Variants in TMEM132C observed in about 807,000 individuals in gnomAD.
The protein encoded by TMEM132C is protein phosphatase 1, regulatory subunit 152.
TMEM132C carries 29 observed loss-of-function variants against 61.4 expected under a neutral mutation model. That is an observed-to-expected ratio of 0.47 (90% confidence interval 0.35 to 0.64). TMEM132C has a LOEUF of 0.64. Ranked by LOEUF, TMEM132C falls within the 30% of genes least tolerant of loss-of-function variation. TMEM132C has a pLI of 0.00. For missense variants in TMEM132C, 1,408 were observed against 1,476.9 expected (o/e 0.95, Z 0.76); for synonymous variants, 656 against 633.1 (o/e 1.04, Z -0.54).
intron 1 of TMEM132C, among the ~76,000 whole-genome samples, chr12:128,408,630 G>T (rs1868400230): frequency 1.3e-5 from 2 of 152,170 alleles, no homozygotes; most frequent in South Asian, 2.1e-4. Flanking sequence ...GCTCTTTCTG[G>T]AATGTCATAC....
intron 1 of TMEM132C, among the ~76,000 whole-genome samples, chr12:128,357,858 G>A (rs770964172): frequency 1.9e-4 from 27 of 139,334 alleles, no homozygotes; most frequent in African/African-American, 3.1e-4. Context: ...CCTCCCCTCC[G>A]TCCACAGCAC....
chr12:128,302,821 G>A (rs1024596310), intron 1 of TMEM132C, among the ~76,000 whole-genome samples: 6 of 152,232 alleles, frequency 3.9e-5, no homozygotes, highest in African/African-American at 1.4e-4. Flanking sequence ...TGATGGTTCA[G>A]AGTTGAATGG....
chr12:128,680,104 TAGGC>T (rs1234478312), intron 5 of TMEM132C, among the ~76,000 whole-genome samples: 3 of 152,118 alleles, frequency 2.0e-5, no homozygotes, highest in African/African-American at 7.2e-5. Context: ...ATGCATGAAA[TAGGC>T]AGGGCCAGGT....
rs952916676 is a variant in TMEM132C at position 128,706,714 on chromosome 12, C to T, written c.*419C>T. On this transcript the variant is annotated 3_prime_UTR_variant, in exon 9 of 9. Coordinates refer to ENST00000435159, the MANE Select transcript of TMEM132C (RefSeq NM_001136103.3). ...TATAAAAATAGGACCTGCTAAGAGA[C>T]ATTTTCCATTCTAATTCACGATTCA... 15 of 156,052 alleles carry T rather than the reference C, an allele frequency of 9.6e-5. No homozygotes were observed. Among genetic ancestry groups the T allele is most frequent in the African/African-American group, 3.4e-4 (14 of 41,564 alleles). The allele number at this position is 156,052 out of a possible 1,614,324, so 9.7% of individuals were successfully genotyped here.
At chr12:128,439,417 A>G (rs760121567) in intron 2 of TMEM132C, among the ~76,000 whole-genome samples, 12 of 152,126 alleles carry the variant, frequency 7.9e-5, no homozygotes, top group Non-Finnish European at 1.5e-4. Flanking sequence ...AGAAAGAAAA[A>G]TTAGTTCAAT....
intron 2 of TMEM132C, among the ~76,000 whole-genome samples, chr12:128,517,716 A>G (rs1422803802): frequency 6.6e-6 from 1 of 152,106 alleles, no homozygotes; most frequent in Admixed American, 6.5e-5. Context: ...AACATTGCAG[A>G]CGTTGTTATT....
chr12:128,601,946 T>A (rs1455399642), intron 3 of TMEM132C, among the ~76,000 whole-genome samples: 1 of 152,120 alleles, frequency 6.6e-6, no homozygotes, highest in Non-Finnish European at 1.5e-5. Flanking sequence ...ATTCACAGTT[T>A]TCTTTTCTGT....
At chr12:128,351,518 T>C (rs1326221940) in intron 1 of TMEM132C, among the ~76,000 whole-genome samples, 4 of 152,206 alleles carry the variant, frequency 2.6e-5, no homozygotes, top group Admixed American at 1.3e-4. Context: ...GGGTAATTTA[T>C]AAAGACAAGA....
At chr12:128,497,986 A>C (rs936720730) in intron 2 of TMEM132C, among the ~76,000 whole-genome samples, 1 of 152,158 alleles carries the variant, frequency 6.6e-6, no homozygotes, top group African/African-American at 2.4e-5. Flanking sequence ...AGTCTGTACC[A>C]GTTCTTTATG....
chr12:128,551,894 G>A (rs917635730), intron 3 of TMEM132C, among the ~76,000 whole-genome samples: 13 of 152,136 alleles, frequency 8.5e-5, no homozygotes, highest in Admixed American at 8.5e-4. Flanking sequence ...CTTTTGATTC[G>A]AACGTTGCAC....
At chr12:128,275,156 AG>A (rs1169939359) in intron 1 of TMEM132C, among the ~76,000 whole-genome samples, 2 of 152,186 alleles carry the variant, frequency 1.3e-5, no homozygotes, top group Non-Finnish European at 2.9e-5. Flanking sequence ...TTTATAAGTC[AG>A]GGTTCCCCAA....
intron 4 of TMEM132C, among the ~76,000 whole-genome samples, chr12:128,646,874 T>C (rs1430293154): frequency 1.3e-5 from 2 of 151,768 alleles, no homozygotes; most frequent in East Asian, 3.9e-4. Context: ...TGGATGAATG[T>C]GTTTACTGGA....
In TMEM132C at chr12:128,415,776, A is replaced by G. The variant is rs1868761787; in HGVS notation, c.974+156A>G. ...GAAGGCAAATTATGCACCTGCCCACATGCTCTCAACAGCCCTCCTTACACC... is the reference window on the plus strand; with the variant it reads ...GAAGGCAAATTATGCACCTGCCCACGTGCTCTCAACAGCCCTCCTTACACC... On this transcript the variant is annotated intron_variant, in intron 2 of 8. Transcript: ENST00000435159. The surrounding 1 kb of genome is among the most constrained non-coding windows in gnomAD (Gnocchi z 5.8). Among the ~76,000 whole-genome samples, 1 of 152,150 alleles carries G rather than the reference A, an allele frequency of 6.6e-6. No homozygotes were observed. The highest frequency in any genetic ancestry group is 6.5e-5 in the Admixed American group (1 of 15,282).
At chr12:128,411,300 T>C (rs774126744) in intron 1 of TMEM132C, among the ~76,000 whole-genome samples, 3 of 152,192 alleles carry the variant, frequency 2.0e-5, no homozygotes, top group Non-Finnish European at 4.4e-5. Context: ...CACCGGATAG[T>C]TTTAGCATCC....
chr12:128,537,798 C>A (rs970951125), intron 2 of TMEM132C, among the ~76,000 whole-genome samples: 1 of 152,144 alleles, frequency 6.6e-6, no homozygotes, highest in Non-Finnish European at 1.5e-5. Context: ...CGTGTAAAAT[C>A]TAAATAAGGT....
At chr12:128,269,766 A>G (rs1309283309) in intron 1 of TMEM132C, among the ~76,000 whole-genome samples, 1 of 152,040 alleles carries the variant, frequency 6.6e-6, no homozygotes, top group Non-Finnish European at 1.5e-5. Flanking sequence ...TTTGCACCGT[A>G]AGATATCTTC....
chr12:128,564,796 A>C (rs1407307619), intron 3 of TMEM132C, among the ~76,000 whole-genome samples: 1 of 152,122 alleles, frequency 6.6e-6, no homozygotes, highest in Non-Finnish European at 1.5e-5. Context: ...CTTGGCCCAA[A>C]ATGAGAGCTG....
At chr12:128,604,010 G>A (rs1021697869) in intron 3 of TMEM132C, among the ~76,000 whole-genome samples, 4 of 152,124 alleles carry the variant, frequency 2.6e-5, no homozygotes, top group Non-Finnish European at 4.4e-5. Context: ...AGAGAGTGTC[G>A]AGAAAGAATG....
chr12:128,403,449 G>A (rs181333464), intron 1 of TMEM132C, among the ~76,000 whole-genome samples: 26 of 142,912 alleles, frequency 1.8e-4, no homozygotes, highest in African/African-American at 6.3e-4. Flanking sequence ...TCTTTCTCAC[G>A]TAGACATCAC....
Sources: allele counts gnomAD v4.1 joint callset (sites outside exome capture counted in the v4.1 genomes callset), GRCh38; gene constraint gnomAD v4.1.1; non-coding constraint Gnocchi (gnomAD v3.1); transcripts MANE v1.5; gene names NCBI Gene and HGNC (gene_info 2026-07-23, HGNC 2026-07-21).